The following TADA1 variants were observed in gnomAD, a reference collection of about 807,000 sequenced individuals.
TADA1 encodes the protein transcriptional adaptor 1, also known as transcriptional adapter 1.
Under a neutral mutation model 39.3 loss-of-function variants are expected in TADA1, and 23 were observed. The ratio of observed to expected loss-of-function variants is 0.58; its 90% confidence interval spans 0.42 to 0.83. TADA1 has a LOEUF of 0.83. TADA1 is among the 40% of genes least tolerant of loss of function. TADA1 has a pLI of 0.00. For synonymous variants in TADA1, 137 were observed against 151.8 expected (o/e 0.90, Z 0.72); for missense variants, 352 against 408.1 (o/e 0.86, Z 1.18).
chr1:166,869,670 C>G (rs1658614588), intron 2 of TADA1, 93 bp downstream of exon 2: 3 of 1,498,814 alleles, frequency 2.0e-6, no homozygotes, highest in Non-Finnish European at 2.8e-6. Flanking sequence ...CACCACAAAA[C>G]CAAAATTTTA....
At chr1:166,873,597 A>G (rs1658702222) in intron 1 of TADA1, among the ~76,000 whole-genome samples, 2 of 152,256 alleles carry the variant, frequency 1.3e-5, no homozygotes, top group Non-Finnish European at 2.9e-5. Flanking sequence ...ATGACTGTAC[A>G]GTACAAGAGT....
intron 3 of TADA1, among the ~76,000 whole-genome samples, chr1:166,865,655 T>C (rs1331174437): frequency 4.7e-5 from 7 of 150,428 alleles, no homozygotes; most frequent in Non-Finnish European, 8.9e-5. Context: ...CTACTAAAAA[T>C]ACAAAAAAAA....
At chr1:166,869,903 GTTTT>G (rs753017347) in intron 1 of TADA1, 49 bp from the exon 2 acceptor site, 3 of 1,495,290 alleles carry the variant, frequency 2.0e-6, no homozygotes, top group Non-Finnish European at 2.8e-6. Flanking sequence ...GCTGCTTCTA[GTTTT>G]TTTTGTTTGT....
chr1:166,870,634 C>T (rs1271747830), intron 1 of TADA1, among the ~76,000 whole-genome samples: 1 of 152,102 alleles, frequency 6.6e-6, no homozygotes, highest in African/African-American at 2.4e-5. Flanking sequence ...TCGAGATTAG[C>T]CTGGGCAACA....
chr1:166,876,248 C>T lies in TADA1; in HGVS notation c.-15G>A. 6.2e-7 allele frequency: 1 copy of T among 1,611,928 alleles called. No individual in the cohort carries two copies. The highest frequency in any genetic ancestry group is 8.5e-7 in the Non-Finnish European group (1 of 1,179,154). On this transcript the variant is annotated 5_prime_UTR_variant, in exon 1 of 8. Coordinates refer to ENST00000367874, the MANE Select transcript of TADA1 (RefSeq NM_053053.4). ...AAGGTCGCCATTGCTCCGCGTGTCT[C>T]AGCCCGACCGCAGACCGCCCGGCCA...
At chr1:166,875,962 G>A (rs1658758795) in intron 1 of TADA1, among the ~76,000 whole-genome samples, 198 bp downstream of exon 1, 1 of 152,266 alleles carries the variant, frequency 6.6e-6, no homozygotes. Flanking sequence ...CGGGCGCCCA[G>A]GAGGCCCGGT....
At chr1:166,872,196 T>C (rs1172064135) in intron 1 of TADA1, among the ~76,000 whole-genome samples, 4 of 152,090 alleles carry the variant, frequency 2.6e-5, no homozygotes, top group Non-Finnish European at 5.9e-5. Context: ...ATGGTGGAGG[T>C]GGAGCCTAAT....
intron 1 of TADA1, among the ~76,000 whole-genome samples, chr1:166,871,802 G>T (rs1658666632): frequency 6.6e-6 from 1 of 151,772 alleles, no homozygotes; most frequent in South Asian, 2.1e-4. Context: ...AAAACCAAAG[G>T]TCTTTTCCTA....
At chr1:166,872,400 G>A (rs187086726) in intron 1 of TADA1, among the ~76,000 whole-genome samples, 2 of 152,118 alleles carry the variant, frequency 1.3e-5, no homozygotes, top group African/African-American at 2.4e-5. Context: ...GGCCGGGCGC[G>A]GTGGCTCATG....
At chr1:166,868,059 T>C (rs546490801) in intron 3 of TADA1, among the ~76,000 whole-genome samples, 52 of 152,238 alleles carry the variant, frequency 3.4e-4, no homozygotes, top group Non-Finnish European at 4.9e-4. Context: ...GTAACTTTTG[T>C]AGTCTTATGA....
chr1:166,863,948 A>G, intron 3 of TADA1, 27 bp from the exon 4 acceptor site: 1 of 1,560,730 alleles, frequency 6.4e-7, no homozygotes, highest in Non-Finnish European at 8.6e-7. Flanking sequence ...TATAACCATA[A>G]GTAAAAATAA....
chr1:166,864,451 G>A (rs1658485257), intron 3 of TADA1, among the ~76,000 whole-genome samples: 1 of 152,184 alleles, frequency 6.6e-6, no homozygotes, highest in African/African-American at 2.4e-5. Context: ...CAAGGAAGGT[G>A]GCAAGTGAGG....
At chr1:166,862,172 G>A (rs1557908468) in intron 5 of TADA1, 31 bp downstream of exon 5, 1 of 1,605,194 alleles carries the variant, frequency 6.2e-7, no homozygotes, top group African/African-American at 1.3e-5. Flanking sequence ...CATTCAACCT[G>A]TAAGATTATT....
rs1571245386 is a variant in TADA1 at position 166,876,180 on chromosome 1, G to A, written c.54C>T (p.Ala18=). 2 of 1,613,582 alleles carry A rather than the reference G, an allele frequency of 1.2e-6. No homozygotes were observed. Reference sequence around the variant, plus strand: ...CTTACTGTTTCACGTTGTCCCCCAGGGCCTCGCTTAAGTTCTTCTTGGCCG... The same window carrying A: ...CTTACTGTTTCACGTTGTCCCCCAGAGCCTCGCTTAAGTTCTTCTTGGCCG... ...LEAAKKNLSE[A]LGDNVKQYWA... Residue 18 remains alanine, a synonymous_variant, in exon 1 of 8, where the codon GCC becomes GCT. Coordinates refer to ENST00000367874, the MANE Select transcript of TADA1 (RefSeq NM_053053.4).
intron 6 of TADA1, among the ~76,000 whole-genome samples, chr1:166,859,203 C>T (rs1433127399): frequency 6.6e-6 from 1 of 152,172 alleles, no homozygotes; most frequent in Non-Finnish European, 1.5e-5. Flanking sequence ...CTGGCACAAA[C>T]TCCCACATGT....
At chr1:166,869,243 T>C (rs191551669) in intron 3 of TADA1, 3 of 537,378 alleles carry the variant, frequency 5.6e-6, no homozygotes, top group African/African-American at 1.9e-5. Context: ...TGAGAAATCA[T>C]ACCTTTTTCT....
At chr1:166,871,541 T>C (rs142334666) in intron 1 of TADA1, among the ~76,000 whole-genome samples, 55 of 152,314 alleles carry the variant, frequency 3.6e-4, no homozygotes, top group African/African-American at 1.3e-3. Flanking sequence ...TTGTTGTTGT[T>C]GTTTTTCAGG....
intron 5 of TADA1, among the ~76,000 whole-genome samples, chr1:166,861,447 A>C (rs1023582861): frequency 2.0e-5 from 3 of 152,230 alleles, no homozygotes; most frequent in African/African-American, 7.2e-5. Context: ...CTCGTGCATT[A>C]TAGACCCCAT....
intron 1 of TADA1, among the ~76,000 whole-genome samples, chr1:166,873,938 A>C (rs1180726067): frequency 6.6e-6 from 1 of 152,122 alleles, no homozygotes. Context: ...GTTAAAGGCA[A>C]TCATACACAA....
Sources: allele counts gnomAD v4.1 joint callset (sites outside exome capture counted in the v4.1 genomes callset), GRCh38; gene constraint gnomAD v4.1.1; transcripts MANE v1.5; gene names NCBI Gene and HGNC (gene_info 2026-07-23, HGNC 2026-07-21).